MIA2: variants seen among roughly 807,000 people sequenced by gnomAD.
MIA2 encodes the protein melanoma inhibitory activity protein 2.
MIA2 carries 127 observed loss-of-function variants against 167.8 expected under a neutral mutation model. The observed-to-expected ratio is 0.76, with a 90% confidence interval of 0.66 to 0.88. The LOEUF (loss-of-function observed/expected upper bound fraction) is 0.88. Ranked by LOEUF, MIA2 falls within the 40% of genes least tolerant of loss-of-function variation. The pLI, the probability that MIA2 is intolerant of heterozygous loss-of-function variation, is 0.00. For missense variants in MIA2, 1,690 were observed against 1,624.7 expected, an observed-to-expected ratio of 1.04 and a Z score of -0.69; for synonymous variants, 552 against 541.9, an observed-to-expected ratio of 1.02 and a Z score of -0.26.
intron 6 of MIA2, chr14:39,265,187 G>T: frequency 1.9e-6 from 1 of 514,086 alleles, no homozygotes; most frequent in Non-Finnish European, 3.4e-6. Flanking sequence ...ACTTAACAAC[G>T]AGTGAGGTCC....
At chr14:39,357,027 T>C (rs1160413698) in intron 23 of MIA2, among the ~76,000 whole-genome samples, 1 of 152,240 alleles carries the variant, frequency 6.6e-6, no homozygotes, top group African/African-American at 2.4e-5. Flanking sequence ...ATATATATTC[T>C]GTTGAATTCG....
downstream of MIA2, chr14:39,351,145 A>G (rs2074350267): frequency 6.6e-6 from 1 of 152,194 alleles, no homozygotes; most frequent in East Asian, 1.9e-4. Context: ...TAATATGATT[A>G]TGGAAGGAAA....
At chr14:39,244,746 A>G (rs1370674151) in intron 3 of MIA2, among the ~76,000 whole-genome samples, 2 of 151,924 alleles carry the variant, frequency 1.3e-5, no homozygotes, top group African/African-American at 4.8e-5. Flanking sequence ...GCTGTATGCA[A>G]TATCTCAATA....
intron 17 of MIA2, among the ~76,000 whole-genome samples, chr14:39,307,994 C>G (rs1430913370): frequency 6.6e-6 from 1 of 152,110 alleles, no homozygotes; most frequent in Non-Finnish European, 1.5e-5. Flanking sequence ...AAAATTATAA[C>G]TAGATAGGTG....
chr14:39,271,002 T>C (rs1373200687), intron 6 of MIA2, among the ~76,000 whole-genome samples: 1 of 152,242 alleles, frequency 6.6e-6, no homozygotes, highest in Non-Finnish European at 1.5e-5. Context: ...TTTGGTTGCT[T>C]GTGCTTTTGG....
chr14:39,386,968 G>A (rs1462193519), exon 24 of MIA2: 10 of 780,484 alleles, frequency 1.3e-5, no homozygotes, highest in Middle Eastern at 2.3e-4. Flanking sequence ...AAGCATTGGC[G>A]GATGAGACTA....
intron 23 of MIA2, among the ~76,000 whole-genome samples, chr14:39,369,246 C>T (rs2074886696): frequency 6.6e-6 from 1 of 152,108 alleles, no homozygotes; most frequent in Non-Finnish European, 1.5e-5. Context: ...AGGGTGAAGG[C>T]TGTTCAGATG....
intron 23 of MIA2, chr14:39,386,217 GT>G: frequency 7.2e-7 from 1 of 1,396,092 alleles, no homozygotes; most frequent in South Asian, 1.2e-5. Context: ...TTTATACCCA[GT>G]TTGTCTGCAG....
chr14:39,261,839 T>G (rs2055133151), intron 6 of MIA2, among the ~76,000 whole-genome samples: 1 of 152,156 alleles, frequency 6.6e-6, no homozygotes, highest in Non-Finnish European at 1.5e-5. Context: ...ATGGGGTTGT[T>G]TATTTTTTTC....
At chr14:39,349,212 C>G (rs926024736) in intron 28 of MIA2, among the ~76,000 whole-genome samples, 1 of 152,230 alleles carries the variant, frequency 6.6e-6, no homozygotes, top group South Asian at 2.1e-4. Flanking sequence ...TGTATTTTGG[C>G]AGTCAAGAAA....
intron 9 of MIA2, among the ~76,000 whole-genome samples, chr14:39,290,672 G>T (rs1296483355): frequency 1.3e-5 from 2 of 152,148 alleles, no homozygotes; most frequent in East Asian, 3.8e-4. Flanking sequence ...CGCTCTTTGA[G>T]TAAATCTTTG....
At chr14:39,322,619 C>T (rs897917073) in intron 24 of MIA2, among the ~76,000 whole-genome samples, 2 of 128,794 alleles carry the variant, frequency 1.6e-5, no homozygotes, top group African/African-American at 2.5e-5. Context: ...TACCTCAGGC[C>T]TAATCATTAG....
At position 39,276,990 on chromosome 14, in the gene MIA2, A is replaced by T. The variant is rs561013872; in HGVS notation, c.1944A>T (p.Pro648=). Residue 648 remains proline (P), a synonymous_variant, in exon 7 of 29, where the codon CCA becomes CCT. Coordinates refer to ENST00000640607, the MANE Select transcript of MIA2 (RefSeq NM_001329214.4). ...CAGATTCTAATCTTTATGGTTTTCCATGGGAATTGGTGATATGTGCAGCTG... is the reference window on the plus strand; with the variant it reads ...CAGATTCTAATCTTTATGGTTTTCCTTGGGAATTGGTGATATGTGCAGCTG... ...MRPDSNLYGF[P]WELVICAAVV... 5.6e-6 allele frequency: 9 copies of T among 1,613,934 alleles called. No homozygotes were observed. The South Asian group carries it at 9.9e-5, about 18-fold the overall frequency.
intron 4 of MIA2, among the ~76,000 whole-genome samples, chr14:39,248,849 C>T (rs867274001): frequency 1.3e-5 from 2 of 151,798 alleles, no homozygotes; most frequent in African/African-American, 2.4e-5. Context: ...ATGCAATTCT[C>T]TCACCTTAGC....
Position 39,248,087 on chromosome 14 carries a change from T to C in MIA2, c.1513T>C (p.Tyr505His). 1 of 1,559,932 alleles carries C rather than the reference T, an allele frequency of 6.4e-7. No homozygotes were observed. Among genetic ancestry groups the C allele is most frequent in the South Asian group, 1.3e-5 (1 of 79,984 alleles). ...EETGEFSIDN[Y>H]PTDNTKVMIF... is the part of the protein sequence containing the mutation. ...AACTGGAGAATTTTCCATTGATAAT[T>C]ATCCCACAGATAATACAAAAGTTAT... is the stretch of plus-strand genomic sequence containing the variant. Residue 505 changes from tyrosine (Y) to histidine (H), a missense_variant, in exon 4 of 29, where the codon TAT becomes CAT. Coordinates refer to ENST00000640607, the MANE Select transcript of MIA2 (RefSeq NM_001329214.4).
intron 6 of MIA2, chr14:39,267,468 G>T (rs763145286): frequency 1.8e-5 from 29 of 1,612,960 alleles, no homozygotes; most frequent in Non-Finnish European, 2.3e-5. Context: ...CTATGGAGGA[G>T]CCCGGGGTTA....
At chr14:39,274,622 C>T (rs1190105705) in intron 6 of MIA2, among the ~76,000 whole-genome samples, 1 of 149,336 alleles carries the variant, frequency 6.7e-6, no homozygotes, top group African/African-American at 2.4e-5. Context: ...GATGGGGTTT[C>T]ACCACGTTGG....
intron 2 of MIA2, among the ~76,000 whole-genome samples, chr14:39,239,701 T>C (rs2053955203): frequency 2.0e-5 from 3 of 152,210 alleles, no homozygotes; most frequent in Admixed American, 2.0e-4. Flanking sequence ...GTGAAAATAA[T>C]GGTTCCACAC....
intron 25 of MIA2, among the ~76,000 whole-genome samples, chr14:39,330,439 G>GT (rs1161881717): frequency 6.6e-6 from 1 of 151,838 alleles, no homozygotes; most frequent in African/African-American, 2.4e-5. Context: ...TTTTTGAAGG[G>GT]TTTTTTGTGT....
Sources: allele counts gnomAD v4.1 joint callset (sites outside exome capture counted in the v4.1 genomes callset), GRCh38; gene constraint gnomAD v4.1.1; transcripts MANE v1.5; gene names NCBI Gene and HGNC (gene_info 2026-07-23, HGNC 2026-07-21).